NEFH: variants seen among roughly 807,000 people sequenced by gnomAD.
NEFH encodes the protein neurofilament heavy chain.
In NEFH, 58 loss-of-function variants were observed where a neutral mutation model predicts 56.6. The ratio of observed to expected loss-of-function variants is 1.03; its 90% CI spans 0.83 to 1.28. The LOEUF is 1.28. Among genes scored for constraint, NEFH ranks in the 50% most tolerant of loss-of-function variants. The pLI is 0.00. For synonymous variants in NEFH, 542 were observed against 545.8 expected, an observed-to-expected ratio of 0.99 and a Z score of 0.10; for missense variants, 1,221 against 1,307.6, an observed-to-expected ratio of 0.93 and a Z score of 1.02.
Position 29,488,859 on chromosome 22 carries a change from G to A in NEFH, c.1219G>A (p.Glu407Lys). The A allele has an allele frequency of 2.5e-6, 4 of 1,614,214 alleles. No individual in the cohort carries two copies. Among genetic ancestry groups the A allele is most frequent in the Non-Finnish European group, 3.4e-6 (4 of 1,180,040 alleles). ...IEIAAYRKLL[E>K]GEECRIGFGP... Reference sequence around the variant, plus strand: ...TGATCCATCCTGCAGAAAACTCCTGGAAGGTGAAGAGTGTCGGATTGGCTT... The same window carrying A: ...TGATCCATCCTGCAGAAAACTCCTGAAAGGTGAAGAGTGTCGGATTGGCTT... The change falls in exon 4 of 4, where the codon GAA becomes AAA. Residue 407 changes from glutamate (E) to lysine (K), a missense_variant. Physicochemically the swap from Glu to Lys is moderately conservative, Grantham distance 56. Transcript: ENST00000310624.
rs1487234863 is a variant in NEFH, at chr22:29,480,968, G to A, written c.706G>A (p.Glu236Lys). 1.1e-5 allele frequency: 17 copies of A among 1,531,538 alleles called. No individual in the cohort carries two copies. Among genetic ancestry groups the A allele is most frequent in the Middle Eastern group, 1.9e-4 (1 of 5,190 alleles). The allele number at this position is 1,531,538 out of a possible 1,614,324, so 94.9% of individuals were successfully genotyped here. A position where few individuals can be genotyped will look rare whatever the true frequency, so the allele number is the denominator to read the frequency against. ...CGGCTACCTGCGGCGCCACCACCAG[G>A]AAGAGGTGGGCGAGCTGCTCGGCCA... ...ECGYLRRHHQ[E>K]EVGELLGQIQ... is the part of the protein sequence containing the mutation. The change falls in exon 1 of 4, where the codon GAA (glutamate) becomes AAA (lysine). Residue 236 changes from glutamate to lysine, a missense_variant. By Grantham distance (56) the Glu-to-Lys change is moderately conservative. Around this residue, in one of 4 missense-constraint regions of NEFH, gnomAD observed 640 missense variants for 555.5 expected, o/e 1.15. Coordinates refer to ENST00000310624, the MANE Select transcript of NEFH (RefSeq NM_021076.4).
intron 1 of NEFH, among the ~76,000 whole-genome samples, chr22:29,482,527 C>G (rs1263822035): frequency 6.6e-6 from 1 of 152,232 alleles, no homozygotes; most frequent in African/African-American, 2.4e-5. Context: ...CAGGGGTTGG[C>G]ACCCAGGCCA....
Position 29,481,069 on chromosome 22 carries a change from G to C in NEFH, c.807G>C (p.Ser269=), listed in dbSNP as rs771662402. ...ACGCCCTGAAGTGCGACGTGACGTCGGCGCTGCGCGAGATTCGCGCGCAGC... is the reference window on the plus strand; with the variant it reads ...ACGCCCTGAAGTGCGACGTGACGTCCGCGCTGCGCGAGATTCGCGCGCAGC... ...TRDALKCDVT[S]ALREIRAQLE... is the part of the protein sequence containing the mutation. Residue 269 remains serine (S), a synonymous_variant, in exon 1 of 4, where the codon TCG becomes TCC. Coordinates refer to ENST00000310624, the MANE Select transcript of NEFH (RefSeq NM_021076.4). The C allele has an allele frequency of 2.4e-5, 37 of 1,532,134 alleles. No individual in the cohort carries two copies. In the African/African-American group the frequency reaches 4.9e-4, roughly 20 times the overall value. The allele number at this position is 1,532,134 out of a possible 1,614,324, so 94.9% of individuals were successfully genotyped here. A position where few individuals can be genotyped will look rare whatever the true frequency, so the allele number is the denominator to read the frequency against.
At chr22:29,484,377 T>C (rs920087735) in intron 2 of NEFH, among the ~76,000 whole-genome samples, 4 of 152,060 alleles carry the variant, frequency 2.6e-5, no homozygotes, top group Non-Finnish European at 5.9e-5. Flanking sequence ...TAGTGGCTCA[T>C]GCCTGTAATC....
chr22:29,483,434 C>A lies in NEFH; in HGVS notation c.943C>A (p.Gln315Lys). 1 of 1,613,916 alleles carries A rather than the reference C, an allele frequency of 6.2e-7. No individual in the cohort carries two copies. Among genetic ancestry groups the A allele is most frequent in the Non-Finnish European group, 8.5e-7 (1 of 1,180,000 alleles). The change falls in exon 2 of 4, where the codon CAG (glutamine) becomes AAG (lysine). Residue 315 changes from glutamine to lysine, a missense_variant. Coordinates refer to ENST00000310624, the MANE Select transcript of NEFH (RefSeq NM_021076.4). ...KVNTDAMRSA[Q>K]EEITEYRRQL... ...GAACACAGACGCTATGCGCTCAGCGCAGGAGGAGATAACTGAGTACCGGCG... is the reference window on the plus strand; with the variant it reads ...GAACACAGACGCTATGCGCTCAGCGAAGGAGGAGATAACTGAGTACCGGCG...
In NEFH at chr22:29,480,763, A is replaced by C; in HGVS notation, c.501A>C (p.Leu167=). The C allele has an allele frequency of 1.4e-6, 2 of 1,446,764 alleles. No individual in the cohort carries two copies. Among genetic ancestry groups the C allele is most frequent in the Non-Finnish European group, 1.8e-6 (2 of 1,111,498 alleles). The allele number at this position is 1,446,764 out of a possible 1,614,324, so 89.6% of individuals were successfully genotyped here. A position where few individuals can be genotyped will look rare whatever the true frequency, so the allele number is the denominator to read the frequency against. The part of the protein sequence containing the change: ...VLRLGAARGQ[L]RLEQEHLLED... ...GCCTGGGCGCGGCGCGCGGTCAGCT[A>C]CGCCTGGAGCAGGAGCACCTGCTCG... Residue 167 remains leucine (L), a synonymous_variant, in exon 1 of 4, where the codon CTA becomes CTC. Transcript: ENST00000310624.
Position 29,481,025 on chromosome 22 carries a change from A to T in NEFH, c.763A>T (p.Met255Leu). 1.3e-6 allele frequency: 2 copies of T among 1,531,584 alleles called. No homozygotes were observed. The highest frequency in any genetic ancestry group is 1.7e-6 in the Non-Finnish European group (2 of 1,145,340). The allele number at this position is 1,531,584 out of a possible 1,614,324, so 94.9% of individuals were successfully genotyped here. A position where few individuals can be genotyped will look rare whatever the true frequency, so the allele number is the denominator to read the frequency against. ...GGGCTCCGGCGCCGCGCAGGCGCAG[A>T]TGCAGGCCGAGACGCGCGACGCCCT... ...IQGSGAAQAQ[M>L]QAETRDALKC... The change falls in exon 1 of 4, where the codon ATG becomes TTG. Residue 255 changes from methionine to leucine, a missense_variant. This residue lies in a region of NEFH where 640 missense variants were observed against 555.5 expected (regional missense o/e 1.15). Transcript: ENST00000310624.
At position 29,480,943 on chromosome 22, in the gene NEFH, C is replaced by A. The variant is rs1300478534; in HGVS notation, c.681C>A (p.Cys227Ter). Residue 227 changes from cysteine to a stop codon, truncating the protein, a stop_gained, in exon 1 of 4, where the codon TGC becomes TGA. Coordinates refer to ENST00000310624, the MANE Select transcript of NEFH (RefSeq NM_021076.4). LOFTEE classifies it high-confidence loss of function. ...QKKAQALQEE[C>*]GYLRRHHQEE... Reference sequence around the variant, plus strand: ...AGGCGCAGGCGCTGCAGGAGGAGTGCGGCTACCTGCGGCGCCACCACCAGG... The same window carrying A: ...AGGCGCAGGCGCTGCAGGAGGAGTGAGGCTACCTGCGGCGCCACCACCAGG... 3 of 1,529,618 alleles carry A rather than the reference C, an allele frequency of 2.0e-6. No individual in the cohort carries two copies. Among genetic ancestry groups the A allele is most frequent in the Non-Finnish European group, 1.7e-6 (2 of 1,144,844 alleles). The allele number at this position is 1,529,618 out of a possible 1,614,324, so 94.8% of individuals were successfully genotyped here.
chr22:29,480,317 C>T lies in NEFH; in HGVS notation c.55C>T (p.His19Tyr). 6.6e-7 allele frequency: 1 copy of T among 1,508,072 alleles called. No individual in the cohort carries two copies. Among genetic ancestry groups the T allele is most frequent in the Non-Finnish European group, 8.8e-7 (1 of 1,138,286 alleles). The allele number at this position is 1,508,072 out of a possible 1,614,324, so 93.4% of individuals were successfully genotyped here. The part of the protein sequence containing the change: ...ALLGAPFAPL[H>Y]GGGSLHYALA... ...GCTGGGCGCCCCGTTCGCGCCGCTG[C>T]ATGGCGGCGGCAGCCTCCACTACGC... The change falls in exon 1 of 4, where the codon CAT (histidine) becomes TAT (tyrosine). Residue 19 changes from histidine to tyrosine, a missense_variant. Physicochemically the swap from His to Tyr is moderately conservative, Grantham distance 83. Coordinates refer to ENST00000310624, the MANE Select transcript of NEFH (RefSeq NM_021076.4).
Position 29,483,670 on chromosome 22 carries a change from A to C in NEFH, c.1083+96A>C, listed in dbSNP as rs558830358. ...TCACTGAGTGGGGTTGTAGTGGTTAAGATTGTGGCCCTTGGAGTCAGACAT... is the reference window on the plus strand; with the variant it reads ...TCACTGAGTGGGGTTGTAGTGGTTACGATTGTGGCCCTTGGAGTCAGACAT... On this transcript the variant is annotated intron_variant, in intron 2 of 3. Coordinates refer to ENST00000310624, the MANE Select transcript of NEFH (RefSeq NM_021076.4). 4.1e-4 allele frequency: 511 copies of C among 1,239,296 alleles called. 4 individuals are homozygous for C. The highest frequency in any genetic ancestry group is 3.5e-3 in the South Asian group (275 of 79,470). 76.8% of individuals were successfully genotyped at this position (1,239,296 alleles called of 1,614,324 possible). A position where few individuals can be genotyped will look rare whatever the true frequency, so the allele number is the denominator to read the frequency against.
At position 29,483,578 on chromosome 22, in the gene NEFH, G is replaced by A; in HGVS notation, c.1083+4G>A. 1.2e-6 allele frequency: 2 copies of A among 1,613,424 alleles called. No homozygotes were observed. Among genetic ancestry groups the A allele is most frequent in the Non-Finnish European group, 1.7e-6 (2 of 1,179,970 alleles). On this transcript the variant is annotated splice_donor_region_variant and intron_variant, in intron 2 of 3. Transcript: ENST00000310624. ...GGCCGACATTGCCTCCTACCAGGTG[G>A]GCAGGGGCAAGGCAGACAGCCAGAC...
At position 29,490,257 on chromosome 22, in the gene NEFH, A is replaced by G. The variant is rs1404707928; in HGVS notation, c.2617A>G (p.Lys873Glu). Residue 873 changes from lysine (K) to glutamate (E), a missense_variant, in exon 4 of 4, where the codon AAG becomes GAG. Physicochemically the swap from Lys to Glu is moderately conservative, Grantham distance 56. This residue lies in a region of NEFH where 301 missense variants were observed against 346.6 expected (regional missense o/e 0.87). Coordinates refer to ENST00000310624, the MANE Select transcript of NEFH (RefSeq NM_021076.4). ...ACCCAAGAAGGAGGCTCCAAAGCCC[A>G]AGGTGGAGGAGAAGAAGGAACCTGC... The part of the protein sequence containing the change: ...EAPKKEAPKP[K>E]VEEKKEPAVE... 2 of 1,612,138 alleles carry G rather than the reference A, an allele frequency of 1.2e-6. No homozygotes were observed. Among genetic ancestry groups the G allele is most frequent in the African/African-American group, 2.7e-5 (2 of 75,016 alleles).
intron 2 of NEFH, among the ~76,000 whole-genome samples, chr22:29,485,141 C>T (rs191913047): frequency 6.6e-6 from 1 of 152,234 alleles, no homozygotes. Context: ...CTCGCTATGT[C>T]TCCCAGGCTG....
chr22:29,480,231 C>T lies in NEFH; in HGVS notation c.-32C>T. ...CCTGGTGCTGCCGCAGTGCCTCCCG[C>T]CCCGTCCCGGCCTCGCGCACCTGCT... On this transcript the variant is annotated 5_prime_UTR_variant, in exon 1 of 4. Coordinates refer to ENST00000310624, the MANE Select transcript of NEFH (RefSeq NM_021076.4). 2 of 1,494,116 alleles carry T rather than the reference C, an allele frequency of 1.3e-6. No homozygotes were observed. Among genetic ancestry groups the T allele is most frequent in the Non-Finnish European group, 1.8e-6 (2 of 1,131,186 alleles). 92.6% of individuals were successfully genotyped at this position (1,494,116 alleles called of 1,614,324 possible).
Position 29,480,497 on chromosome 22 carries a change from A to T in NEFH, c.235A>T (p.Thr79Ser), listed in dbSNP as rs1391724274. 2 of 1,534,064 alleles carry T rather than the reference A, an allele frequency of 1.3e-6. No homozygotes were observed. Among genetic ancestry groups the T allele is most frequent in the Admixed American group, 2.0e-5 (1 of 50,980 alleles). Residue 79 changes from threonine (T) to serine (S), a missense_variant, in exon 1 of 4, where the codon ACG (threonine) becomes TCG (serine). Thr to Ser is a moderately conservative substitution (Grantham distance 58). Transcript: ENST00000310624. ...GAASSTDSLD[T>S]LSNGPEGCMV... is the part of the protein sequence containing the mutation. ...CGCCTCAAGCACCGACTCGCTGGAC[A>T]CGCTGAGCAACGGGCCGGAGGGCTG...
At position 29,486,235 on chromosome 22, in the gene NEFH, G is replaced by C. The variant is rs549896016; in HGVS notation, c.1208+388G>C. Among the ~76,000 whole-genome samples, 3 of 151,638 alleles carry C rather than the reference G, an allele frequency of 2.0e-5. No homozygotes were observed. The East Asian group carries it at 5.8e-4, about 30-fold the overall frequency. ...AAACAGGGTTTCACCATGTTGGCCA[G>C]GCTGGTCTCAAACTCCTGAACTCAA... On this transcript the variant is annotated intron_variant, in intron 3 of 3. Coordinates refer to ENST00000310624, the MANE Select transcript of NEFH (RefSeq NM_021076.4).
intron 3 of NEFH, among the ~76,000 whole-genome samples, chr22:29,487,724 C>T (rs1304336149): frequency 1.3e-5 from 2 of 152,224 alleles, no homozygotes; most frequent in Non-Finnish European, 2.9e-5. Flanking sequence ...ATAAGATCCC[C>T]GGTCATCTGT....
rs1300930184 is a variant in NEFH at position 29,490,238 on chromosome 22, G to T, written c.2598G>T (p.Lys866Asn). 1.2e-6 allele frequency: 2 copies of T among 1,611,284 alleles called. No homozygotes were observed. The highest frequency in any genetic ancestry group is 1.7e-6 in the Non-Finnish European group (2 of 1,178,648). Reference protein sequence around the residue: ...KKDSKKEEAPKKEAPKPKVEE... With the variant: ...KKDSKKEEAPNKEAPKPKVEE... ...ACAGCAAGAAAGAGGAGGCACCCAA[G>T]AAGGAGGCTCCAAAGCCCAAGGTGG... is the stretch of plus-strand genomic sequence containing the variant. The change falls in exon 4 of 4, where the codon AAG becomes AAT. Residue 866 changes from lysine (K) to asparagine (N), a missense_variant. Coordinates refer to ENST00000310624, the MANE Select transcript of NEFH (RefSeq NM_021076.4).
chr22:29,488,475 T>C (rs2063056592), intron 3 of NEFH, among the ~76,000 whole-genome samples: 1 of 152,196 alleles, frequency 6.6e-6, no homozygotes, highest in African/African-American at 2.4e-5. Flanking sequence ...AATTTAACTT[T>C]TGTTAAATTT....
Sources: gnomAD v4.1 joint callset for allele counts (sites outside exome capture counted in the v4.1 genomes callset) on GRCh38, gnomAD v4.1.1 for gene constraint, gnomAD v4.1.1 regional missense constraint, MANE v1.5 for transcripts, NCBI Gene and HGNC (gene_info 2026-07-23, HGNC 2026-07-21) for gene names.